The following DLG2 variants were observed in gnomAD, a reference collection of about 807,000 sequenced individuals.
DLG2 encodes the protein discs large MAGUK scaffold protein 2.
A neutral mutation model predicts 132.5 loss-of-function variants in DLG2; 45 were observed. That is an observed-to-expected ratio of 0.34 (90% CI 0.27 to 0.44). The LOEUF (loss-of-function observed/expected upper bound fraction) is 0.44. Ranked by LOEUF, DLG2 falls within the 20% of genes least tolerant of loss-of-function variation. DLG2 has a pLI of 1.00. For missense variants in DLG2, 1,045 were observed against 1,196.9 expected, an observed-to-expected ratio of 0.87 and a Z score of 1.87; for synonymous variants, 424 against 419.6, an observed-to-expected ratio of 1.01 and a Z score of -0.13.
chr11:83,857,438 C>T (rs1357394375), intron 16 of DLG2, among the ~76,000 whole-genome samples: 3 of 152,106 alleles, frequency 2.0e-5, no homozygotes, highest in Non-Finnish European at 4.4e-5. Context: ...TTGATTCTTC[C>T]TATCCATGAA....
At position 83,554,873 on chromosome 11, in the gene DLG2, C is replaced by G. The variant is rs1004388461; in HGVS notation, c.1941-13015G>C. ...ATGCAATCATGGCTTCAGTCATATT[C>G]AATAAATGCTCATTATGTGCCATGC... On this transcript the variant is annotated intron_variant, in intron 19 of 27. Coordinates refer to ENST00000376104, the MANE Select transcript of DLG2 (RefSeq NM_001142699.3). Among the ~76,000 whole-genome samples, 5 of 152,254 alleles carry G rather than the reference C, an allele frequency of 3.3e-5. No homozygotes were observed. In the East Asian group the frequency reaches 9.6e-4, roughly 29 times the overall value.
intron 3 of DLG2, among the ~76,000 whole-genome samples, chr11:85,496,869 G>C (rs993293722): frequency 2.0e-5 from 3 of 152,098 alleles, no homozygotes; most frequent in Non-Finnish European, 4.4e-5. Context: ...CAAACAGAAA[G>C]GAATAGTATC....
At chr11:83,910,864 T>C (rs943476175) in intron 15 of DLG2, among the ~76,000 whole-genome samples, 2 of 152,128 alleles carry the variant, frequency 1.3e-5, no homozygotes, top group African/African-American at 4.8e-5. Flanking sequence ...CCACTATGTG[T>C]ATGGCACTAT....
intron 18 of DLG2, among the ~76,000 whole-genome samples, chr11:83,723,304 C>A (rs2153688225): frequency 6.6e-6 from 1 of 152,236 alleles, no homozygotes; most frequent in African/African-American, 2.4e-5. Flanking sequence ...CGCTTAAACC[C>A]AGGAGGCGGA....
At chr11:85,507,468 GA>G (rs2093961463) in intron 3 of DLG2, among the ~76,000 whole-genome samples, 1 of 152,110 alleles carries the variant, frequency 6.6e-6, no homozygotes, top group African/African-American at 2.4e-5. Flanking sequence ...CTTCACTTAT[GA>G]AGCTTAGTTT....
At chr11:85,596,423 T>C (rs2153233321) in intron 3 of DLG2, among the ~76,000 whole-genome samples, 1 of 152,178 alleles carries the variant, frequency 6.6e-6, no homozygotes, top group East Asian at 1.9e-4. Context: ...AGAGTGATGA[T>C]TTTCATCTGT....
At chr11:85,189,420 C>G (rs920038131) in intron 4 of DLG2, among the ~76,000 whole-genome samples, 11 of 152,142 alleles carry the variant, frequency 7.2e-5, no homozygotes, top group African/African-American at 1.9e-4. Flanking sequence ...CAATATAAAA[C>G]AACACACTAT....
chr11:84,306,920 G>A (rs1359291128), intron 7 of DLG2, among the ~76,000 whole-genome samples: 3 of 152,150 alleles, frequency 2.0e-5, no homozygotes, highest in African/African-American at 7.2e-5. Flanking sequence ...AGCCACTTTG[G>A]AAAACAGATT....
chr11:84,235,918 T>C (rs929488858), intron 8 of DLG2, among the ~76,000 whole-genome samples: 1 of 152,102 alleles, frequency 6.6e-6, no homozygotes, highest in Non-Finnish European at 1.5e-5. Flanking sequence ...TTGAATAAAT[T>C]AACATATGTA....
chr11:83,642,686 C>T (rs985808117), intron 18 of DLG2, among the ~76,000 whole-genome samples: 14 of 152,258 alleles, frequency 9.2e-5, no homozygotes, highest in African/African-American at 3.4e-4. Flanking sequence ...AACACAGAAA[C>T]TTCCTGAAGT....
At chr11:84,186,636 A>G (rs999375914) in intron 8 of DLG2, among the ~76,000 whole-genome samples, 3 of 151,972 alleles carry the variant, frequency 2.0e-5, no homozygotes, top group African/African-American at 7.2e-5. Context: ...TTCTACGAAT[A>G]TTAGATAAGT....
At chr11:83,742,357 T>C (rs2092590525) in intron 18 of DLG2, among the ~76,000 whole-genome samples, 1 of 152,224 alleles carries the variant, frequency 6.6e-6, no homozygotes, top group South Asian at 2.1e-4. Flanking sequence ...ATATATAGTT[T>C]TTTTAAAACT....
intron 6 of DLG2, among the ~76,000 whole-genome samples, chr11:85,035,000 A>C (rs1456607677): frequency 6.6e-6 from 1 of 152,168 alleles, no homozygotes; most frequent in Admixed American, 6.5e-5. Flanking sequence ...TAATAACAGA[A>C]GGCACTCTTT....
chr11:84,566,260 G>A (rs2099455136), intron 6 of DLG2, among the ~76,000 whole-genome samples: 2 of 152,116 alleles, frequency 1.3e-5, no homozygotes, highest in Admixed American at 1.3e-4. Flanking sequence ...ACCGTGTCTG[G>A]TCTGAAGTAA....
chr11:83,563,234 C>T (rs2142992931), intron 19 of DLG2, among the ~76,000 whole-genome samples: 2 of 152,224 alleles, frequency 1.3e-5, no homozygotes, highest in South Asian at 4.1e-4. Flanking sequence ...GCCTCGGCCT[C>T]CCAAAGTGCT....
At chr11:84,797,164 C>A (rs186276020) in intron 6 of DLG2, among the ~76,000 whole-genome samples, 1 of 152,108 alleles carries the variant, frequency 6.6e-6, no homozygotes, top group East Asian at 1.9e-4. Flanking sequence ...TTTTATTTAT[C>A]CTTGACTTTT....
At chr11:84,467,770 G>T (rs2099098287) in intron 7 of DLG2, among the ~76,000 whole-genome samples, 1 of 151,412 alleles carries the variant, frequency 6.6e-6, no homozygotes, top group South Asian at 2.1e-4. Flanking sequence ...CTCTTGTGTG[G>T]TAACACCATT....
At chr11:84,811,838 A>T in intron 6 of DLG2, among the ~76,000 whole-genome samples, 1 of 152,198 alleles carries the variant, frequency 6.6e-6, no homozygotes. Flanking sequence ...TCTATTAGAG[A>T]GGCAGATTCT....
chr11:85,408,685 T>A (rs929863617), intron 3 of DLG2, among the ~76,000 whole-genome samples: 1 of 151,646 alleles, frequency 6.6e-6, no homozygotes, highest in African/African-American at 2.4e-5. Flanking sequence ...CTGAGAATGA[T>A]GATTTCCAAT....
Sources: gnomAD v4.1 joint callset for allele counts (sites outside exome capture counted in the v4.1 genomes callset) on GRCh38, gnomAD v4.1.1 for gene constraint, MANE v1.5 for transcripts, NCBI Gene and HGNC (gene_info 2026-07-23, HGNC 2026-07-21) for gene names.